The following RARS2 variants were observed in gnomAD, a reference collection of about 807,000 sequenced individuals.
RARS2 encodes arginyl-tRNA synthetase 2, mitochondrial.
In RARS2, 67 loss-of-function variants were observed where a neutral mutation model predicts 88.5. The ratio of observed to expected loss-of-function variants is 0.76; its 90% CI spans 0.62 to 0.93. The LOEUF (loss-of-function observed/expected upper bound fraction) is 0.93, where lower values mean the gene tolerates loss of function less well. RARS2 is among the 40% of genes least tolerant of loss of function. The pLI is 0.00. For synonymous variants in RARS2, 239 were observed against 230.3 expected (o/e 1.04, Z -0.34); for missense variants, 664 against 684.2 (o/e 0.97, Z 0.33).
chr6:87,519,562 A>AT (rs1773157074), intron 14 of RARS2, 21 bp downstream of exon 14: 1 of 1,605,634 alleles, frequency 6.2e-7, no homozygotes, highest in African/African-American at 1.3e-5. Context: ...TATGACTTTA[A>AT]TAAGAAAAAA....
At chr6:87,588,608 C>G (rs1458849147) in intron 1 of RARS2, among the ~76,000 whole-genome samples, 3 of 152,190 alleles carry the variant, frequency 2.0e-5, no homozygotes. Flanking sequence ...CTCCTGGGCT[C>G]AAGCCATCCT....
rs11459821 is a variant in RARS2, at chr6:87,536,637, GA to G, written c.612+5280del. On this transcript the variant is annotated intron_variant, in intron 8 of 19. Coordinates refer to ENST00000369536, the MANE Select transcript of RARS2 (RefSeq NM_020320.5). ...GGGCAACAGGGCAAGACCCCATCAC[GA>G]AAAAAAAAAAAAGAAAGAAAAAAAA... Among the ~76,000 whole-genome samples the G allele has an allele frequency of 2.4e-3, 254 of 106,786 alleles. 1 individual carries two copies. Among genetic ancestry groups the G allele is most frequent in the African/African-American group, 4.5e-3 (130 of 29,162 alleles). The allele number at this position is 106,786 out of a possible 152,430, so 70.1% of individuals were successfully genotyped here.
chr6:87,577,182 T>C (rs1003018553), intron 1 of RARS2, among the ~76,000 whole-genome samples: 2 of 152,132 alleles, frequency 1.3e-5, no homozygotes, highest in African/African-American at 4.8e-5. Flanking sequence ...AAAGAAAGAT[T>C]TTGACTCTTT....
chr6:87,524,492 C>T, intron 11 of RARS2, 65 bp downstream of exon 11: 1 of 1,210,738 alleles, frequency 8.3e-7, no homozygotes, highest in South Asian at 1.2e-5. Context: ...ATTAATTGTA[C>T]ATAGTGTTTC....
At chr6:87,542,127 C>T (rs1781193416) in intron 7 of RARS2, 133 bp from the exon 8 acceptor site, 1 of 685,392 alleles carries the variant, frequency 1.5e-6, no homozygotes, top group Admixed American at 2.2e-5. Flanking sequence ...ACAAAACACA[C>T]TTTTACCTTC....
At chr6:87,521,210 G>A (rs1348216145) in intron 12 of RARS2, among the ~76,000 whole-genome samples, 2 of 152,070 alleles carry the variant, frequency 1.3e-5, no homozygotes, top group African/African-American at 4.8e-5. Context: ...AAAAAACTTG[G>A]TATTATAGTG....
At chr6:87,522,333 TAAAAAAA>T (rs34710568) in intron 11 of RARS2, among the ~76,000 whole-genome samples, 1 of 88,724 alleles carries the variant, frequency 1.1e-5, no homozygotes, top group Non-Finnish European at 2.1e-5. Flanking sequence ...CCGTCTCAAT[TAAAAAAA>T]AAAAAAAAAA....
intron 4 of RARS2, 133 bp from the exon 5 acceptor site, chr6:87,555,638 G>A: frequency 2.9e-6 from 2 of 697,634 alleles, no homozygotes; most frequent in African/African-American, 3.5e-5. Context: ...ATCCTCAGTG[G>A]CACTACCTCC....
intron 1 of RARS2, among the ~76,000 whole-genome samples, chr6:87,586,459 T>C (rs1476943239): frequency 2.0e-5 from 3 of 152,218 alleles, no homozygotes; most frequent in East Asian, 1.9e-4. Context: ...ATCACCTTTC[T>C]ACAAAACTTT....
chr6:87,579,183 A>G (rs1007497121), intron 1 of RARS2, among the ~76,000 whole-genome samples: 1 of 152,232 alleles, frequency 6.6e-6, no homozygotes, highest in South Asian at 2.1e-4. Flanking sequence ...TCCATGGTCA[A>G]TGTTCTTAGT....
intron 5 of RARS2, 120 bp downstream of exon 5, chr6:87,555,288 T>C (rs1320103917): frequency 1.4e-6 from 1 of 719,414 alleles, no homozygotes; most frequent in Admixed American, 2.3e-5. Context: ...AATAACATAA[T>C]TGCACTGGTT....
chr6:87,555,104 TAAA>T (rs1406490611), intron 5 of RARS2, among the ~76,000 whole-genome samples: 1 of 117,618 alleles, frequency 8.5e-6, no homozygotes, highest in Non-Finnish European at 1.7e-5. Flanking sequence ...GTCTCAAAAA[TAAA>T]TAAATAAATA....
chr6:87,541,941 T>C lies in RARS2; in HGVS notation c.589A>G (p.Asn197Asp). The change falls in exon 8 of 20, where the codon AAT (asparagine) becomes GAT (aspartate). Residue 197 changes from asparagine to aspartate, a missense_variant. By Grantham distance (23) the Asn-to-Asp change is conservative. Transcript: ENST00000369536. ...ACTTCAAAGAGATGCTGTAGAGGATTGGACTGCAGTTTTTCCTCATAGCCA... is the reference window on the plus strand; with the variant it reads ...ACTTCAAAGAGATGCTGTAGAGGATCGGACTGCAGTTTTTCCTCATAGCCA... ...LFGYEEKLQS[N>D]PLQHLFEVYV... 2 of 1,613,670 alleles carry C rather than the reference T, an allele frequency of 1.2e-6. No homozygotes were observed. Among genetic ancestry groups the C allele is most frequent in the Non-Finnish European group, 8.5e-7 (1 of 1,179,624 alleles).
At chr6:87,562,059 G>A (rs1413764661) in intron 4 of RARS2, among the ~76,000 whole-genome samples, 2 of 152,194 alleles carry the variant, frequency 1.3e-5, no homozygotes, top group Non-Finnish European at 1.5e-5. Context: ...CAAACTCCCA[G>A]GCTCAAGCGA....
chr6:87,523,272 T>G (rs1774561014), intron 11 of RARS2, among the ~76,000 whole-genome samples: 1 of 152,178 alleles, frequency 6.6e-6, no homozygotes, highest in African/African-American at 2.4e-5. Flanking sequence ...AGTCCAGATC[T>G]CTCATTTCAC....
intron 8 of RARS2, among the ~76,000 whole-genome samples, chr6:87,532,328 A>T (rs1777791285): frequency 6.6e-6 from 1 of 152,178 alleles, no homozygotes; most frequent in African/African-American, 2.4e-5. Flanking sequence ...GATTTTTGGG[A>T]ATGTCTCCAC....
intron 10 of RARS2, among the ~76,000 whole-genome samples, chr6:87,525,542 T>C (rs867637522): frequency 6.1e-5 from 9 of 148,414 alleles, no homozygotes; most frequent in Non-Finnish European, 1.0e-4. Context: ...ATCAGTAGCC[T>C]TTTTTTCTTT....
intron 2 of RARS2, among the ~76,000 whole-genome samples, chr6:87,567,953 A>C (rs1006506477): frequency 1.3e-5 from 2 of 152,094 alleles, no homozygotes; most frequent in Non-Finnish European, 2.9e-5. Flanking sequence ...TTGTATTTCT[A>C]GTAGAGACGG....
At chr6:87,526,898 C>T (rs1405519372) in intron 10 of RARS2, among the ~76,000 whole-genome samples, 2 of 151,914 alleles carry the variant, frequency 1.3e-5, no homozygotes, top group Non-Finnish European at 2.9e-5. Context: ...CTTGAACTCC[C>T]AACCTCAGGT....
Sources: allele counts gnomAD v4.1 joint callset (sites outside exome capture counted in the v4.1 genomes callset), GRCh38; gene constraint gnomAD v4.1.1; transcripts MANE v1.5; gene names NCBI Gene and HGNC (gene_info 2026-07-23, HGNC 2026-07-21).